PLXDC2: variants seen among roughly 807,000 people sequenced by gnomAD.
PLXDC2 encodes plexin domain-containing protein 2.
PLXDC2 carries 40 observed loss-of-function variants against 68.9 expected under a neutral mutation model. The observed-to-expected ratio is 0.58, with a 90% confidence interval of 0.45 to 0.76. The LOEUF (loss-of-function observed/expected upper bound fraction) is 0.76, where lower values mean the gene tolerates loss of function less well. PLXDC2 is among the 30% of genes least tolerant of loss of function. The pLI is 0.00. For synonymous variants in PLXDC2, 243 were observed against 234.2 expected, an observed-to-expected ratio of 1.04 and a Z score of -0.34; for missense variants, 644 against 661.9, an observed-to-expected ratio of 0.97 and a Z score of 0.30.
chr10:19,816,987 C>T lies in PLXDC2; in HGVS notation c.-93C>T. ...CCTCCGGGTCCTACCGAGACCGATC[C>T]GCAGCGTTTGGCCCGGTCGTGCCTA... On this transcript the variant is annotated 5_prime_UTR_variant, in exon 1 of 14. Coordinates refer to ENST00000377252, the MANE Select transcript of PLXDC2 (RefSeq NM_032812.9). 1 of 899,380 alleles carries T rather than the reference C, an allele frequency of 1.1e-6. No individual in the cohort carries two copies. Among genetic ancestry groups the T allele is most frequent in the Non-Finnish European group, 1.7e-6 (1 of 577,870 alleles). The allele number at this position is 899,380 out of a possible 1,614,324, so 55.7% of individuals were successfully genotyped here. A position where few individuals can be genotyped will look rare whatever the true frequency, so the allele number is the denominator to read the frequency against.
chr10:20,140,763 A>G (rs1223637532), intron 4 of PLXDC2, among the ~76,000 whole-genome samples: 2 of 152,148 alleles, frequency 1.3e-5, no homozygotes, highest in Non-Finnish European at 2.9e-5. Context: ...TGAGATATTG[A>G]TATAAGTAAC....
At chr10:20,125,589 C>A (rs1410216133) in intron 4 of PLXDC2, among the ~76,000 whole-genome samples, 1 of 152,056 alleles carries the variant, frequency 6.6e-6, no homozygotes, top group African/African-American at 2.4e-5. Flanking sequence ...TGAGCCTGAC[C>A]ATAGGACTGC....
chr10:19,823,734 C>T (rs1026608445), intron 1 of PLXDC2, among the ~76,000 whole-genome samples: 1 of 152,088 alleles, frequency 6.6e-6, no homozygotes, highest in Non-Finnish European at 1.5e-5. Context: ...CACCTGTAAT[C>T]CCAACACTTT....
chr10:20,034,172 T>G (rs75818123), intron 2 of PLXDC2, among the ~76,000 whole-genome samples: 2,674 of 152,302 alleles, frequency 0.018, 34 homozygotes, highest in South Asian at 0.043. Context: ...GCATGTCCTC[T>G]TTACCTGTCC....
At chr10:20,212,752 G>T (rs1226920773) in intron 10 of PLXDC2, among the ~76,000 whole-genome samples, 1 of 152,080 alleles carries the variant, frequency 6.6e-6, no homozygotes, top group Non-Finnish European at 1.5e-5. Flanking sequence ...TGCCAGTGTA[G>T]CTATAACCAA....
intron 4 of PLXDC2, among the ~76,000 whole-genome samples, chr10:20,128,602 A>G (rs770967994): frequency 6.6e-6 from 1 of 152,070 alleles, no homozygotes; most frequent in Non-Finnish European, 1.5e-5. Context: ...AGATCTCCAG[A>G]ACTTTATTAT....
chr10:20,155,260 A>G (rs1260155940), intron 6 of PLXDC2, among the ~76,000 whole-genome samples: 1 of 152,250 alleles, frequency 6.6e-6, no homozygotes, highest in Non-Finnish European at 1.5e-5. Flanking sequence ...GTATTGAAAG[A>G]TGAACATTGG....
At chr10:20,072,927 A>G (rs1369493915) in intron 4 of PLXDC2, among the ~76,000 whole-genome samples, 1 of 152,232 alleles carries the variant, frequency 6.6e-6, no homozygotes, top group South Asian at 2.1e-4. Flanking sequence ...TACTATAATC[A>G]GATAGTCCTA....
chr10:20,222,805 T>C (rs7075152), intron 12 of PLXDC2, among the ~76,000 whole-genome samples: 74,869 of 151,714 alleles, frequency 0.49, 19,655 homozygotes, highest in Middle Eastern at 0.69. Context: ...CTGGGCAACA[T>C]AGCAAGACCC....
chr10:20,219,132 A>T (rs776817852), intron 12 of PLXDC2, 30 bp downstream of exon 12: 17 of 1,580,624 alleles, frequency 1.1e-5, no homozygotes, highest in Admixed American at 1.7e-5. Context: ...TTTCATAAAC[A>T]TCTTTTAAAT....
intron 13 of PLXDC2, among the ~76,000 whole-genome samples, chr10:20,272,220 A>G (rs1835949738): frequency 6.6e-6 from 1 of 152,198 alleles, no homozygotes; most frequent in African/African-American, 2.4e-5. Context: ...TGGCTTTTTG[A>G]AATGAATTAT....
At chr10:20,062,517 G>A (rs893366648) in intron 3 of PLXDC2, among the ~76,000 whole-genome samples, 1 of 152,136 alleles carries the variant, frequency 6.6e-6, no homozygotes, top group African/African-American at 2.4e-5. Context: ...AAGCTGAAAT[G>A]TAATTTCAGG....
intron 1 of PLXDC2, among the ~76,000 whole-genome samples, chr10:19,940,953 A>G (rs1376654897): frequency 6.6e-6 from 1 of 152,232 alleles, no homozygotes; most frequent in Non-Finnish European, 1.5e-5. Flanking sequence ...ATTTACTTGC[A>G]GACCTAAAGA....
chr10:19,958,167 A>G (rs954731369), intron 1 of PLXDC2, among the ~76,000 whole-genome samples: 1 of 152,040 alleles, frequency 6.6e-6, no homozygotes, highest in African/African-American at 2.4e-5. Context: ...CGTAGAGAAG[A>G]GCAGACGAGG....
intron 4 of PLXDC2, among the ~76,000 whole-genome samples, chr10:20,101,583 A>T (rs1222348473): frequency 6.6e-6 from 1 of 152,066 alleles, no homozygotes; most frequent in African/African-American, 2.4e-5. Context: ...AAAAATCCTT[A>T]ATGTTCTTAC....
chr10:20,023,341 T>C (rs1337509424), intron 2 of PLXDC2, among the ~76,000 whole-genome samples: 1 of 152,054 alleles, frequency 6.6e-6, no homozygotes, highest in Admixed American at 6.6e-5. Flanking sequence ...TTTCTCGATG[T>C]CATAAATACC....
intron 6 of PLXDC2, among the ~76,000 whole-genome samples, chr10:20,151,579 A>G (rs1205832305): frequency 6.6e-6 from 1 of 152,182 alleles, no homozygotes; most frequent in African/African-American, 2.4e-5. Context: ...CTCTGCCTAA[A>G]GAGATTATGT....
chr10:19,856,575 G>T (rs551824426), intron 1 of PLXDC2, among the ~76,000 whole-genome samples: 1 of 152,246 alleles, frequency 6.6e-6, no homozygotes, highest in East Asian at 1.9e-4. Context: ...CACTGTAAGC[G>T]CAGCAAGGAT....
intron 4 of PLXDC2, among the ~76,000 whole-genome samples, chr10:20,087,240 A>T (rs1267060942): frequency 6.6e-6 from 1 of 152,208 alleles, no homozygotes; most frequent in Non-Finnish European, 1.5e-5. Flanking sequence ...ACCACATATT[A>T]AATTTGCAGA....
Sources: gnomAD v4.1 joint callset for allele counts (sites outside exome capture counted in the v4.1 genomes callset) on GRCh38, gnomAD v4.1.1 for gene constraint, MANE v1.5 for transcripts, NCBI Gene and HGNC (gene_info 2026-07-23, HGNC 2026-07-21) for gene names.